The following TAB1 variants were observed in gnomAD, a reference collection of about 807,000 sequenced individuals.
TAB1 encodes TGF-beta activated kinase 1 (MAP3K7) binding protein 1.
In TAB1, 30 loss-of-function variants were observed where a neutral mutation model predicts 54.5. The ratio of observed to expected loss-of-function variants is 0.55; its 90% CI spans 0.41 to 0.75. The LOEUF is 0.75. TAB1 is among the 30% of genes least tolerant of loss of function. TAB1 has a pLI of 0.00. For synonymous variants in TAB1, 289 were observed against 286.9 expected (o/e 1.01, Z -0.07); for missense variants, 609 against 683.2 (o/e 0.89, Z 1.21).
intron 6 of TAB1, among the ~76,000 whole-genome samples, chr22:39,419,067 C>T (rs1926958851): frequency 6.6e-6 from 1 of 152,218 alleles, no homozygotes; most frequent in Non-Finnish European, 1.5e-5. Context: ...ATAATAGTAA[C>T]CTACCTCGGG....
intron 10 of TAB1, chr22:39,429,444 T>A: frequency 1.7e-5 from 14 of 805,028 alleles, no homozygotes; most frequent in Non-Finnish European, 2.0e-5. Flanking sequence ...TCTAGCCACT[T>A]GTGGCTATTA....
At chr22:39,420,779 G>C (rs907964778) in intron 7 of TAB1, among the ~76,000 whole-genome samples, 1 of 139,992 alleles carries the variant, frequency 7.1e-6, no homozygotes, top group African/African-American at 2.8e-5. Flanking sequence ...GTGTCTCTGT[G>C]TGTGTGTGTG....
At chr22:39,436,391 C>T (rs764052118), downstream of TAB1, 2 of 957,908 alleles carry the variant, frequency 2.1e-6, no homozygotes, top group Non-Finnish European at 3.4e-6. Context: ...TATCCGTGGC[C>T]TCAGAGAGGT....
At chr22:39,409,487 A>C (rs1034184205) in intron 1 of TAB1, among the ~76,000 whole-genome samples, 1 of 152,190 alleles carries the variant, frequency 6.6e-6, no homozygotes, top group Non-Finnish European at 1.5e-5. Context: ...GTGCACACAT[A>C]TTTGCAAACA....
Position 39,420,775 on chromosome 22 carries a change from CTGTGTGTGTG to C in TAB1, c.777-1018_777-1009del, listed in dbSNP as rs71326771. On this transcript the variant is annotated intron_variant, in intron 7 of 10. Transcript: ENST00000216160. ...ATGCACATATACACACACGGTGTCT[CTGTGTGTGTG>C]TGTGTGTGTGTGTGTGTGTGTGTGT... is the stretch of plus-strand genomic sequence containing the variant. Among the ~76,000 whole-genome samples the C allele has an allele frequency of 4.8e-3, 348 of 71,826 alleles. 8 individuals carry two copies. Among genetic ancestry groups the C allele is most frequent in the African/African-American group, 0.016 (327 of 20,086 alleles). 47.1% of individuals were successfully genotyped at this position (71,826 alleles called of 152,430 possible).
At chr22:39,429,007 C>G (rs1927471697) in intron 10 of TAB1, 1 of 975,732 alleles carries the variant, frequency 1.0e-6, no homozygotes, top group African/African-American at 1.7e-5. Context: ...TCCAGCACCC[C>G]TGCCGGGCTG....
intron 5 of TAB1, among the ~76,000 whole-genome samples, 161 bp from the exon 6 acceptor site, chr22:39,418,571 G>C (rs1926936533): frequency 6.6e-6 from 1 of 152,176 alleles, no homozygotes; most frequent in African/African-American, 2.4e-5. Flanking sequence ...CGTATCACCA[G>C]CTGTCCCTAA....
chr22:39,434,439 G>A (rs950039918), downstream of TAB1, among the ~76,000 whole-genome samples: 1 of 152,234 alleles, frequency 6.6e-6, no homozygotes, highest in Non-Finnish European at 1.5e-5. Flanking sequence ...AATTTCCGCC[G>A]ACAAGGGCAT....
rs142369943 is a variant in TAB1, at chr22:39,412,200, C to A, written c.34-2806C>A. 2.6e-3 allele frequency among the ~76,000 whole-genome samples: 388 copies of A among 152,142 alleles called. 5 individuals carry two copies. Among genetic ancestry groups the A allele is most frequent in the African/African-American group, 8.9e-3 (371 of 41,488 alleles). ...AATTACAGGTGTGCGCCACCACGCC[C>A]GGCTGATTTTTGTATTTTCAGTAGA... On this transcript the variant is annotated intron_variant, in intron 1 of 10. Transcript: ENST00000216160.
chr22:39,416,395 A>C (rs1926835464), intron 3 of TAB1, among the ~76,000 whole-genome samples: 1 of 152,190 alleles, frequency 6.6e-6, no homozygotes, highest in African/African-American at 2.4e-5. Flanking sequence ...TGCCTTGCTG[A>C]GTGCCAGGTT....
intron 4 of TAB1, among the ~76,000 whole-genome samples, chr22:39,417,227 T>C (rs1301090794): frequency 6.6e-6 from 1 of 152,228 alleles, no homozygotes; most frequent in Non-Finnish European, 1.5e-5. Flanking sequence ...TCCAGCTTTC[T>C]GGAAGAACCT....
chr22:39,414,828 A>G, intron 1 of TAB1, 178 bp from the exon 2 acceptor site: 5 of 633,520 alleles, frequency 7.9e-6, no homozygotes, highest in Non-Finnish European at 1.3e-5. Context: ...AGCCATAAAA[A>G]CAGCAAACCC....
Position 39,416,745 on chromosome 22 carries a change from CAGT to C in TAB1, c.325-45_325-43del, listed in dbSNP as rs1290850888. The C allele has an allele frequency of 2.6e-6, 4 of 1,567,570 alleles. No homozygotes were observed. In the African/African-American group the frequency reaches 5.4e-5, roughly 21 times the overall value. Reference sequence around the variant, plus strand: ...ATAGAGGACATTTTGGCACCAGTGACAGTGGTGTTTTGAACCAGCCTTTGCCCT... The same window carrying C: ...ATAGAGGACATTTTGGCACCAGTGACGGTGTTTTGAACCAGCCTTTGCCCT... On this transcript the variant is annotated intron_variant, in intron 3 of 10. Coordinates refer to ENST00000216160, the MANE Select transcript of TAB1 (RefSeq NM_006116.3).
chr22:39,412,157 A>C (rs1417743895), intron 1 of TAB1, among the ~76,000 whole-genome samples: 6 of 152,168 alleles, frequency 3.9e-5, no homozygotes, highest in Non-Finnish European at 2.9e-5. Context: ...CTCGTGCCTC[A>C]GCCTCTTGAG....
chr22:39,427,988 C>G, intron 9 of TAB1, 33 bp from the exon 10 acceptor site: 1 of 1,547,874 alleles, frequency 6.5e-7, no homozygotes, highest in Non-Finnish European at 8.8e-7. Context: ...TCCTCAGCTG[C>G]TGCCTGAGGC....
intron 9 of TAB1, 63 bp from the exon 10 acceptor site, chr22:39,427,958 C>A: frequency 6.9e-7 from 1 of 1,443,036 alleles, no homozygotes; most frequent in Non-Finnish European, 9.5e-7. Context: ...AGCAGCTATG[C>A]CCCTGCTACC....
Position 39,431,227 on chromosome 22 carries a change from C to G in TAB1, c.*1005C>G. On this transcript the variant is annotated 3_prime_UTR_variant, in exon 11 of 11. Coordinates refer to ENST00000216160, the MANE Select transcript of TAB1 (RefSeq NM_006116.3). ...ACCCTGGGAGGCATAGGAGAAGGGTCGGGCCAGCCCAGCCCAGGGCCTGAG... is the reference window on the plus strand; with the variant it reads ...ACCCTGGGAGGCATAGGAGAAGGGTGGGGCCAGCCCAGCCCAGGGCCTGAG... 1.0e-6 allele frequency: 1 copy of G among 985,574 alleles called. No individual in the cohort carries two copies. 61.1% of individuals were successfully genotyped at this position (985,574 alleles called of 1,614,324 possible).
intron 10 of TAB1, among the ~76,000 whole-genome samples, chr22:39,428,681 C>T (rs1781617041): frequency 6.6e-6 from 1 of 152,182 alleles, no homozygotes. Context: ...GTCTGGAGTA[C>T]ACCCCACCCC....
chr22:39,432,275 C>T (rs543256116), downstream of TAB1, among the ~76,000 whole-genome samples: 17 of 152,282 alleles, frequency 1.1e-4, no homozygotes, highest in South Asian at 2.3e-3. Flanking sequence ...GTCACCAGGG[C>T]GGAGGCCTTG....
Sources: allele counts gnomAD v4.1 joint callset (sites outside exome capture counted in the v4.1 genomes callset), GRCh38; gene constraint gnomAD v4.1.1; transcripts MANE v1.5; gene names NCBI Gene and HGNC (gene_info 2026-07-23, HGNC 2026-07-21).